Variants in AK5 observed in about 807,000 individuals in gnomAD.
The protein encoded by AK5 is adenylate kinase 5.
AK5 carries 27 observed loss-of-function variants against 69.5 expected under a neutral mutation model. The ratio of observed to expected loss-of-function variants is 0.39; its 90% CI spans 0.29 to 0.54. AK5 has a LOEUF of 0.54. Ranked by LOEUF, AK5 falls within the 20% of genes least tolerant of loss-of-function variation. The probability of loss-of-function intolerance (pLI) is 0.71; values close to 1 mark genes in which losing one functional copy is unlikely to be tolerated. For synonymous variants in AK5, 260 were observed against 244.4 expected (o/e 1.06, Z -0.60); for missense variants, 531 against 700.4 (o/e 0.76, Z 2.73).
intron 1 of AK5, 107 bp from the exon 2 acceptor site, chr1:77,286,834 G>T (rs1658379832): frequency 2.9e-6 from 2 of 685,046 alleles, no homozygotes; most frequent in Non-Finnish European, 4.1e-6. Context: ...GCAGCAGAGT[G>T]AGACTCTATT....
chr1:77,509,747 A>G (rs1657236017), intron 10 of AK5, among the ~76,000 whole-genome samples: 2 of 152,230 alleles, frequency 1.3e-5, no homozygotes, highest in South Asian at 4.1e-4. Context: ...TAAAGGTGTT[A>G]AAACAGTACC....
intron 8 of AK5, among the ~76,000 whole-genome samples, chr1:77,469,657 G>A (rs111527302): frequency 2.6e-5 from 4 of 152,348 alleles, no homozygotes; most frequent in African/African-American, 9.6e-5. Flanking sequence ...CCAGAGCCTT[G>A]CTGATCTGGG....
At chr1:77,438,323 AAC>A (rs530188566) in intron 8 of AK5, among the ~76,000 whole-genome samples, 39,152 of 117,244 alleles carry the variant, frequency 0.33, 7,144 homozygotes, top group Non-Finnish European at 0.43. Context: ...AAAAAAAAAA[AAC>A]AAGCTTGGGG....
rs1054120290 is a variant in AK5 at position 77,504,512 on chromosome 1, A to T, written c.1148-14052A>T. 3.3e-5 allele frequency among the ~76,000 whole-genome samples: 5 copies of T among 152,260 alleles called. No homozygotes were observed. In the East Asian group the frequency reaches 9.6e-4, roughly 29 times the overall value. ...AAAAACCTACTTTTTATACTTAACA[A>T]AACCTCATGGGCATCTTTCCAAGAT... On this transcript the variant is annotated intron_variant, in intron 10 of 13. Coordinates refer to ENST00000354567, the MANE Select transcript of AK5 (RefSeq NM_174858.3).
At chr1:77,406,261 A>G (rs929554264) in intron 6 of AK5, among the ~76,000 whole-genome samples, 1 of 129,706 alleles carries the variant, frequency 7.7e-6, no homozygotes, top group African/African-American at 3.2e-5. Flanking sequence ...GGTCCCTGGT[A>G]GAAGGGAAAC....
chr1:77,365,086 A>G (rs1033189161), intron 6 of AK5, among the ~76,000 whole-genome samples: 1 of 151,894 alleles, frequency 6.6e-6, no homozygotes, highest in African/African-American at 2.4e-5. Flanking sequence ...ATGATACTTC[A>G]TTGTATTTTG....
chr1:77,549,787 A>T (rs1013454131), intron 13 of AK5, among the ~76,000 whole-genome samples: 2 of 152,104 alleles, frequency 1.3e-5, no homozygotes, highest in Non-Finnish European at 2.9e-5. Context: ...ATTCTTTCTT[A>T]TAGCTGAATA....
chr1:77,435,644 C>CAAA (rs1202203579), intron 8 of AK5, among the ~76,000 whole-genome samples: 6 of 66,104 alleles, frequency 9.1e-5, no homozygotes, highest in Admixed American at 3.4e-4. Flanking sequence ...GACTCTGTCT[C>CAAA]AAAAAAAAAA....
intron 6 of AK5, among the ~76,000 whole-genome samples, chr1:77,398,537 G>A (rs1648980292): frequency 6.6e-6 from 1 of 151,652 alleles, no homozygotes; most frequent in Non-Finnish European, 1.5e-5. Flanking sequence ...AAATAGAAAG[G>A]GGAAAAGGGT....
At chr1:77,428,605 T>A (rs1651371892) in intron 8 of AK5, among the ~76,000 whole-genome samples, 2 of 151,778 alleles carry the variant, frequency 1.3e-5, no homozygotes, top group Admixed American at 6.6e-5. Context: ...CTTTTTTTTT[T>A]AATTTTTTTA....
intron 6 of AK5, among the ~76,000 whole-genome samples, chr1:77,389,411 T>C (rs1648264708): frequency 6.6e-6 from 1 of 152,174 alleles, no homozygotes; most frequent in Admixed American, 6.5e-5. Context: ...AAGAAGGAAG[T>C]ATCATTATCT....
chr1:77,510,882 A>C (rs1273740115), intron 10 of AK5, among the ~76,000 whole-genome samples: 1 of 151,610 alleles, frequency 6.6e-6, no homozygotes, highest in African/African-American at 2.4e-5. Flanking sequence ...TATATCATAC[A>C]TATAAACTAG....
chr1:77,476,115 A>T (rs1318905788), intron 8 of AK5, among the ~76,000 whole-genome samples: 1 of 152,222 alleles, frequency 6.6e-6, no homozygotes, highest in Non-Finnish European at 1.5e-5. Context: ...GGAAAAAGTT[A>T]GCCTAGCATC....
intron 5 of AK5, among the ~76,000 whole-genome samples, chr1:77,310,550 T>G (rs541145797): frequency 1.1e-4 from 16 of 151,972 alleles, no homozygotes; most frequent in Middle Eastern, 3.4e-3. Context: ...CGGCTAATTT[T>G]TTTTGTATTT....
intron 5 of AK5, among the ~76,000 whole-genome samples, chr1:77,330,312 C>G (rs1315050455): frequency 6.6e-6 from 1 of 152,140 alleles, no homozygotes; most frequent in Admixed American, 6.5e-5. Flanking sequence ...TCCTTACCAA[C>G]CCTAAGATAT....
At chr1:77,535,035 C>T (rs185029997) in intron 12 of AK5, among the ~76,000 whole-genome samples, 286 of 152,198 alleles carry the variant, frequency 1.9e-3, no homozygotes, top group African/African-American at 6.7e-3. Flanking sequence ...AGGGCATCTC[C>T]GTCCACATGG....
At chr1:77,355,423 AG>A (rs1232497894) in intron 6 of AK5, among the ~76,000 whole-genome samples, 1 of 152,220 alleles carries the variant, frequency 6.6e-6, no homozygotes, top group Admixed American at 6.5e-5. Context: ...GTAAGAGAAG[AG>A]ACAAAACATA....
At chr1:77,286,297 G>A (rs1458005632) in intron 1 of AK5, among the ~76,000 whole-genome samples, 1 of 151,092 alleles carries the variant, frequency 6.6e-6, no homozygotes. Context: ...GATAAATAAT[G>A]ACCAGGGGCA....
intron 10 of AK5, among the ~76,000 whole-genome samples, chr1:77,494,694 T>G (rs1256812617): frequency 6.6e-6 from 1 of 152,230 alleles, no homozygotes; most frequent in Middle Eastern, 3.4e-3. Context: ...GCCTAAAATA[T>G]TCATTTTTAT....
Sources: allele counts gnomAD v4.1 joint callset (sites outside exome capture counted in the v4.1 genomes callset), GRCh38; gene constraint gnomAD v4.1.1; transcripts MANE v1.5; gene names NCBI Gene and HGNC (gene_info 2026-07-23, HGNC 2026-07-21).